LRP1B: variants seen among roughly 807,000 people sequenced by gnomAD.
LRP1B encodes the protein LDL receptor related protein 1B.
In LRP1B, 217 loss-of-function variants were observed where a neutral mutation model predicts 556.6. That is an observed-to-expected ratio of 0.39 (90% CI 0.35 to 0.44). The LOEUF is 0.44. Among genes scored for constraint, LRP1B ranks in the 20% least tolerant of loss-of-function variants. The probability of loss-of-function intolerance (pLI) is 1.00; values close to 1 mark genes in which losing one functional copy is unlikely to be tolerated. For synonymous variants in LRP1B, 2,047 were observed against 1,865.8 expected, an observed-to-expected ratio of 1.10 and a Z score of -2.50; for missense variants, 5,053 against 5,620.8, an observed-to-expected ratio of 0.90 and a Z score of 3.23.
rs182228701 is a variant in LRP1B at position 141,276,747 on chromosome 2, C to T, written c.344-22106G>A. On this transcript the variant is annotated intron_variant, in intron 3 of 90. Coordinates refer to ENST00000389484, the MANE Select transcript of LRP1B (RefSeq NM_018557.3). ...TCTTGGCTCACTGCAAGCTCCGCCT[C>T]CCCGGTTCACGCCATTCTCCTGCCT... Among the ~76,000 whole-genome samples, 500 of 150,996 alleles carry T rather than the reference C, an allele frequency of 3.3e-3. 2 individuals are homozygous for T. The highest frequency in any genetic ancestry group is 0.011 in the African/African-American group (463 of 41,018).
At chr2:140,646,460 T>C (rs1684488841) in intron 41 of LRP1B, among the ~76,000 whole-genome samples, 1 of 152,168 alleles carries the variant, frequency 6.6e-6, no homozygotes, top group African/African-American at 2.4e-5. Flanking sequence ...AAATTGAAGG[T>C]CAGGGAGTTA....
chr2:140,741,796 T>C (rs1255510913), intron 35 of LRP1B, among the ~76,000 whole-genome samples: 1 of 152,142 alleles, frequency 6.6e-6, no homozygotes, highest in East Asian at 1.9e-4. Flanking sequence ...GTGTCTATTG[T>C]TTCCTTCTTT....
intron 41 of LRP1B, among the ~76,000 whole-genome samples, chr2:140,642,518 T>G (rs957622851): frequency 2.0e-5 from 3 of 151,970 alleles, no homozygotes; most frequent in Non-Finnish European, 4.4e-5. Flanking sequence ...GAAAGAGTGA[T>G]AAAATGTACC....
chr2:140,665,138 T>C (rs544162229), intron 41 of LRP1B, among the ~76,000 whole-genome samples: 22 of 152,286 alleles, frequency 1.4e-4, no homozygotes, highest in Non-Finnish European at 2.6e-4. Flanking sequence ...TATGTATTAC[T>C]CCAAGGAAGG....
At chr2:141,195,062 G>A (rs190496624) in intron 6 of LRP1B, among the ~76,000 whole-genome samples, 7 of 152,214 alleles carry the variant, frequency 4.6e-5, no homozygotes, top group Admixed American at 4.6e-4. Context: ...TTCTCCTCCT[G>A]AAGGTGGGCT....
chr2:141,425,720 T>C (rs1211192324), intron 3 of LRP1B, among the ~76,000 whole-genome samples: 3 of 151,888 alleles, frequency 2.0e-5, no homozygotes, highest in Non-Finnish European at 4.4e-5. Context: ...AATGTCTTCT[T>C]TTGAGAAGTG....
At chr2:141,339,324 A>C (rs2105512266) in intron 3 of LRP1B, among the ~76,000 whole-genome samples, 1 of 150,448 alleles carries the variant, frequency 6.6e-6, no homozygotes, top group African/African-American at 2.4e-5. Context: ...AGCATTCAAA[A>C]CTACTGAATT....
chr2:141,830,706 G>A (rs892656227), intron 1 of LRP1B, among the ~76,000 whole-genome samples: 2 of 151,686 alleles, frequency 1.3e-5, no homozygotes, highest in Admixed American at 1.3e-4. Flanking sequence ...TGTAAACTCA[G>A]TGGATTTTTA....
intron 82 of LRP1B, among the ~76,000 whole-genome samples, chr2:140,317,063 A>G (rs1222456227): frequency 6.6e-6 from 1 of 152,158 alleles, no homozygotes; most frequent in Non-Finnish European, 1.5e-5. Context: ...ACTGGAGGAA[A>G]TGAATGAAAG....
At chr2:140,585,238 A>C (rs1681939167) in intron 43 of LRP1B, among the ~76,000 whole-genome samples, 1 of 152,036 alleles carries the variant, frequency 6.6e-6, no homozygotes, top group Non-Finnish European at 1.5e-5. Flanking sequence ...TAACGTTTTA[A>C]CTCCTCAAAA....
chr2:141,793,123 T>C (rs1290800055), intron 2 of LRP1B, among the ~76,000 whole-genome samples: 1 of 151,980 alleles, frequency 6.6e-6, no homozygotes, highest in Non-Finnish European at 1.5e-5. Flanking sequence ...AAAACATTCC[T>C]TTTTTCTCTA....
At chr2:140,430,614 A>G (rs953439764) in intron 66 of LRP1B, among the ~76,000 whole-genome samples, 1 of 152,074 alleles carries the variant, frequency 6.6e-6, no homozygotes. Flanking sequence ...CCCTGCTGAA[A>G]CTTCCACCTA....
At position 141,592,211 on chromosome 2, in the gene LRP1B, G is replaced by A. The variant is rs188282781; in HGVS notation, c.206-111678C>T. ...TCATTTGGAAATTTTCCAAGGGCAGGGACTTGTCTTAGTCTGTTCAGGCTG... is the reference window on the plus strand; with the variant it reads ...TCATTTGGAAATTTTCCAAGGGCAGAGACTTGTCTTAGTCTGTTCAGGCTG... On this transcript the variant is annotated intron_variant, in intron 2 of 90. Coordinates refer to ENST00000389484, the MANE Select transcript of LRP1B (RefSeq NM_018557.3). Among the ~76,000 whole-genome samples the A allele has an allele frequency of 1.3e-4, 20 of 152,046 alleles. No homozygotes were observed. The East Asian group carries it at 3.5e-3, about 26-fold the overall frequency.
chr2:141,305,975 T>C (rs572680180), intron 3 of LRP1B, among the ~76,000 whole-genome samples: 1 of 152,172 alleles, frequency 6.6e-6, no homozygotes, highest in Non-Finnish European at 1.5e-5. Flanking sequence ...TTGATATACT[T>C]TTGAATGTGA....
chr2:140,582,084 C>G (rs771062070), intron 43 of LRP1B, among the ~76,000 whole-genome samples: 8 of 152,094 alleles, frequency 5.3e-5, no homozygotes, highest in Non-Finnish European at 1.2e-4. Context: ...TCGTGACACA[C>G]ATATATCTAT....
intron 14 of LRP1B, among the ~76,000 whole-genome samples, chr2:141,009,763 C>A (rs1281262323): frequency 6.6e-6 from 1 of 151,772 alleles, no homozygotes; most frequent in East Asian, 1.9e-4. Context: ...TATTTGAATG[C>A]AAAATTTATC....
chr2:140,586,888 C>T (rs1454736285), intron 43 of LRP1B, among the ~76,000 whole-genome samples: 1 of 150,416 alleles, frequency 6.6e-6, no homozygotes, highest in Non-Finnish European at 1.5e-5. Context: ...CTAATAGATG[C>T]CAACACCAAG....
At chr2:141,320,608 C>A (rs142121987) in intron 3 of LRP1B, among the ~76,000 whole-genome samples, 1 of 152,018 alleles carries the variant, frequency 6.6e-6, no homozygotes, top group Non-Finnish European at 1.5e-5. Context: ...AACCTGCAGC[C>A]TGAAACTGCC....
chr2:142,064,880 A>T (rs979132705), intron 1 of LRP1B, among the ~76,000 whole-genome samples: 2 of 151,634 alleles, frequency 1.3e-5, no homozygotes, highest in Admixed American at 1.3e-4. Flanking sequence ...TTTATTGTTC[A>T]GTTATTGTAA....
Sources: allele counts gnomAD v4.1 joint callset (sites outside exome capture counted in the v4.1 genomes callset), GRCh38; gene constraint gnomAD v4.1.1; transcripts MANE v1.5; gene names NCBI Gene and HGNC (gene_info 2026-07-23, HGNC 2026-07-21).